Variants in TRIM16 observed in about 807,000 individuals in gnomAD.
The protein encoded by TRIM16 is tripartite motif containing 16.
Under a neutral mutation model 50.4 loss-of-function variants are expected in TRIM16, and 33 were observed. The ratio of observed to expected loss-of-function variants is 0.65; its 90% confidence interval spans 0.50 to 0.88. The LOEUF (loss-of-function observed/expected upper bound fraction) is 0.88, where lower values mean the gene tolerates loss of function less well. Ranked by LOEUF, TRIM16 falls within the 40% of genes least tolerant of loss-of-function variation. The probability of loss-of-function intolerance (pLI) is 0.00; values close to 1 mark genes in which losing one functional copy is unlikely to be tolerated. For missense variants in TRIM16, 581 were observed against 686.8 expected (o/e 0.85, Z 1.72); for synonymous variants, 229 against 270.7 (o/e 0.85, Z 1.51).
intron 6 of TRIM16, among the ~76,000 whole-genome samples, chr17:15,673,236 AT>A (rs762307157): frequency 4.6e-5 from 7 of 152,178 alleles, no homozygotes; most frequent in Non-Finnish European, 1.0e-4. Context: ...CCCCTTTTCA[AT>A]TTCTTAAAGT....
chr17:15,658,874 C>T (rs1206474182), intron 6 of TRIM16: 8 of 985,312 alleles, frequency 8.1e-6, no homozygotes, highest in Non-Finnish European at 9.6e-6. Flanking sequence ...CCCTGTCTTT[C>T]TCCTAAAAGA....
At chr17:15,680,817 C>A in intron 4 of TRIM16, 48 bp downstream of exon 4, 3 of 1,509,500 alleles carry the variant, frequency 2.0e-6, no homozygotes, top group Non-Finnish European at 2.6e-6. Context: ...AAATCCCCAA[C>A]TCAATTAAAA....
chr17:15,683,361 A>G (rs182537227), intron 1 of TRIM16: 200 of 466,770 alleles, frequency 4.3e-4, no homozygotes, highest in African/African-American at 3.3e-3. Flanking sequence ...AGGGCCCTGC[A>G]GAGTCAGACA....
Position 15,651,657 on chromosome 17 carries a change from G to A in TRIM16, c.-48C>T. ...TGTCTTTCTTCTGTCCCTTGGCCCA[G>A]GATCTGTGCAGCCCAAGTCAGACAA... On this transcript the variant is annotated 5_prime_UTR_variant, in exon 7 of 12. Transcript: ENST00000649191. 1 of 1,585,690 alleles carries A rather than the reference G, an allele frequency of 6.3e-7. No individual in the cohort carries two copies. Among genetic ancestry groups the A allele is most frequent in the East Asian group, 2.3e-5 (1 of 43,252 alleles).
chr17:15,681,031 T>A, intron 3 of TRIM16, 78 bp from the exon 4 acceptor site: 3 of 1,260,772 alleles, frequency 2.4e-6, no homozygotes, highest in Non-Finnish European at 3.2e-6. Context: ...CAGCCACTTA[T>A]GAGAAAATGT....
chr17:15,658,668 C>T (rs1013414638), intron 6 of TRIM16: 31 of 247,984 alleles, frequency 1.3e-4, no homozygotes, highest in Non-Finnish European at 7.7e-5. Flanking sequence ...TGGGAATGTC[C>T]GGAAGAGTGA....
intron 10 of TRIM16, among the ~76,000 whole-genome samples, chr17:15,632,217 C>T (rs1427728814): frequency 7.2e-5 from 11 of 151,864 alleles, no homozygotes; most frequent in South Asian, 2.1e-4. Context: ...GGTGAAACCC[C>T]GTCTCTACTA....
At chr17:15,643,980 G>A (rs1987234362) in intron 7 of TRIM16, among the ~76,000 whole-genome samples, 1 of 151,980 alleles carries the variant, frequency 6.6e-6, no homozygotes, top group Non-Finnish European at 1.5e-5. Flanking sequence ...TTTTCCACAT[G>A]AAGCCATTCT....
At chr17:15,683,253 A>C (rs1989254923) in intron 1 of TRIM16, 96 bp from the exon 2 acceptor site, 2 of 971,388 alleles carry the variant, frequency 2.1e-6, no homozygotes, top group Non-Finnish European at 3.0e-6. Context: ...AGTCTGACGC[A>C]GTATCTTTTG....
At chr17:15,645,599 C>CTT (rs61004223) in intron 7 of TRIM16, among the ~76,000 whole-genome samples, 20,283 of 151,476 alleles carry the variant, frequency 0.13, 2,938 homozygotes, top group African/African-American at 0.37. Flanking sequence ...GCTTTCACTG[C>CTT]TTAATAGCTT....
intron 4 of TRIM16, among the ~76,000 whole-genome samples, chr17:15,679,675 C>T (rs566080688): frequency 4.6e-5 from 7 of 152,184 alleles, no homozygotes; most frequent in African/African-American, 9.6e-5. Context: ...TGGTGGCTCA[C>T]GCCTGTAATC....
chr17:15,677,719 G>A lies in TRIM16; in HGVS notation c.-587C>T. 1.0e-6 allele frequency: 1 copy of A among 992,320 alleles called. No homozygotes were observed. Among genetic ancestry groups the A allele is most frequent in the Non-Finnish European group, 1.2e-6 (1 of 832,916 alleles). The allele number at this position is 992,320 out of a possible 1,614,324, so 61.5% of individuals were successfully genotyped here. A position where few individuals can be genotyped will look rare whatever the true frequency, so the allele number is the denominator to read the frequency against. On this transcript the variant is annotated splice_region_variant and 5_prime_UTR_variant, in exon 5 of 12. Transcript: ENST00000649191. ...TAAAGCCCTGAAACACCTGCATGGGGTTCTGAAGAAAAAGTTACATGAGGC... is the reference window on the plus strand; with the variant it reads ...TAAAGCCCTGAAACACCTGCATGGGATTCTGAAGAAAAAGTTACATGAGGC...
intron 6 of TRIM16, among the ~76,000 whole-genome samples, chr17:15,653,582 G>GT (rs1310557917): frequency 6.6e-6 from 1 of 152,144 alleles, no homozygotes; most frequent in African/African-American, 2.4e-5. Flanking sequence ...CCCTTTGTAC[G>GT]TATCTGTGTC....
At position 15,674,408 on chromosome 17, in the gene TRIM16, G is replaced by C. The variant is rs1463426411; in HGVS notation, c.-338+2768C>G. Among the ~76,000 whole-genome samples, 9 of 151,810 alleles carry C rather than the reference G, an allele frequency of 5.9e-5. No individual in the cohort carries two copies. In the South Asian group the frequency reaches 1.7e-3, roughly 28 times the overall value. On this transcript the variant is annotated intron_variant, in intron 6 of 11. Coordinates refer to ENST00000649191, the MANE Select transcript of TRIM16 (RefSeq NM_001348119.1). ...CACAATAACATTAAAGAGCTATTTT[G>C]AGATAAGTGAAAAAAGATTTCTGAA... is the stretch of plus-strand genomic sequence containing the variant.
rs1211054865 is a variant in TRIM16 at position 15,631,609 on chromosome 17, C to T, written c.1111+10G>A. ...AACAACTGGAGAAGCGGGTGCCGTT[C>T]ACAACTTACATTGGAGGAACTGTTC... On this transcript the variant is annotated intron_variant, in intron 11 of 11. Coordinates refer to ENST00000649191, the MANE Select transcript of TRIM16 (RefSeq NM_001348119.1). 1.2e-6 allele frequency: 2 copies of T among 1,613,936 alleles called. No homozygotes were observed. The highest frequency in any genetic ancestry group is 3.3e-5 in the Admixed American group (2 of 60,018).
intron 6 of TRIM16, among the ~76,000 whole-genome samples, chr17:15,670,191 G>C (rs2654379): frequency 0.022 from 3,412 of 152,074 alleles, 131 homozygotes; most frequent in African/African-American, 0.077. Flanking sequence ...AATTCAGTAA[G>C]AAGAAAACCC....
rs190290965 is a variant in TRIM16, at chr17:15,680,882, G to A, written c.-607C>T. On this transcript the variant is annotated 5_prime_UTR_variant, in exon 4 of 12. Coordinates refer to ENST00000649191, the MANE Select transcript of TRIM16 (RefSeq NM_001348119.1). ...CAACTCACCTGGGACTCTGCTGTCC[G>A]GCAAAGAGCAGCCATATTTTCCTTC... The A allele has an allele frequency of 6.5e-4, 1,008 of 1,546,284 alleles. 9 individuals are homozygous for A. The African/African-American group carries it at 0.012, about 19-fold the overall frequency.
chr17:15,634,407 A>T, intron 9 of TRIM16, among the ~76,000 whole-genome samples: 1 of 148,092 alleles, frequency 6.8e-6, no homozygotes, highest in Admixed American at 6.7e-5. Flanking sequence ...AGGCGGGCAG[A>T]TCACCTAAGG....
At chr17:15,681,701 C>CATTT (rs1989191207) in intron 3 of TRIM16, among the ~76,000 whole-genome samples, 1 of 152,202 alleles carries the variant, frequency 6.6e-6, no homozygotes, top group Non-Finnish European at 1.5e-5. Context: ...TACCTTTGAG[C>CATTT]ATTTCTTTGC....
Sources: gnomAD v4.1 joint callset for allele counts (sites outside exome capture counted in the v4.1 genomes callset) on GRCh38, gnomAD v4.1.1 for gene constraint, MANE v1.5 for transcripts, NCBI Gene and HGNC (gene_info 2026-07-23, HGNC 2026-07-21) for gene names.